AZIN2: variants seen among roughly 807,000 people sequenced by gnomAD.
AZIN2 encodes ODC antizyme inhibitor-2.
In AZIN2, 28 loss-of-function variants were observed where a neutral mutation model predicts 47.8. That is an observed-to-expected ratio of 0.59 (90% CI 0.43 to 0.80). The LOEUF (loss-of-function observed/expected upper bound fraction) is 0.80. AZIN2 is among the 30% of genes least tolerant of loss of function. The probability of loss-of-function intolerance (pLI) is 0.00; values close to 1 mark genes in which losing one functional copy is unlikely to be tolerated. For missense variants in AZIN2, 535 were observed against 582.5 expected (o/e 0.92, Z 0.84); for synonymous variants, 221 against 239.4 (o/e 0.92, Z 0.71).
intron 11 of AZIN2, chr1:33,119,812 T>C (rs1644732466): frequency 1.7e-6 from 1 of 586,610 alleles, no homozygotes; most frequent in African/African-American, 1.9e-5. Context: ...TGGCATGATG[T>C]CTGGCATGTA....
chr1:33,103,689 T>C (rs1020102156), intron 10 of AZIN2, among the ~76,000 whole-genome samples: 3 of 152,178 alleles, frequency 2.0e-5, no homozygotes, highest in Non-Finnish European at 4.4e-5. Flanking sequence ...TAGTTTCCTC[T>C]GAGTTCCCAG....
the AZIN2 span, among the ~76,000 whole-genome samples, chr1:33,136,225 TTCTTTC>T: frequency 1.3e-5 from 2 of 150,176 alleles, no homozygotes; most frequent in Admixed American, 6.6e-5. Flanking sequence ...CTTCCCTCCT[TTCTTTC>T]TCTTTCTTTT....
At chr1:33,132,213 C>T in the AZIN2 span, among the ~76,000 whole-genome samples, 2 of 152,220 alleles carry the variant, frequency 1.3e-5, no homozygotes, top group East Asian at 3.8e-4. Context: ...CCTTACCCTC[C>T]AGCCACTATG....
chr1:33,093,226 G>A, intron 6 of AZIN2, 56 bp from the exon 7 acceptor site: 1 of 1,604,670 alleles, frequency 6.2e-7, no homozygotes, highest in Non-Finnish European at 8.5e-7. Flanking sequence ...TGAGAGATGT[G>A]GCTGGGGTGG....
rs1644633658 is a variant in AZIN2, at chr1:33,117,979, G to A, written c.1107G>A (p.Glu369=). Residue 369 remains glutamate, a synonymous_variant, in exon 11 of 12, where the codon GAG becomes GAA. Transcript: ENST00000294517. ...TTGATGGCTGTGATTGCGTGGCTGA[G>A]GGCCTGTGGCTGCCGCAACTACACG... ...PAVDGCDCVA[E]GLWLPQLHVG... 1 of 1,612,046 alleles carries A rather than the reference G, an allele frequency of 6.2e-7. No individual in the cohort carries two copies. Among genetic ancestry groups the A allele is most frequent in the South Asian group, 1.1e-5 (1 of 90,874 alleles).
intron 10 of AZIN2, among the ~76,000 whole-genome samples, chr1:33,109,729 CT>C (rs898378339): frequency 2.4e-4 from 36 of 148,916 alleles, no homozygotes; most frequent in African/African-American, 8.9e-4. Context: ...GTGTTCTATT[CT>C]TTTTTTTTTC....
chr1:33,130,649 T>C, the AZIN2 span, among the ~76,000 whole-genome samples: 1 of 152,206 alleles, frequency 6.6e-6, no homozygotes, highest in African/African-American at 2.4e-5. Context: ...AGTTAAGCCA[T>C]ACCCAGGTTC....
chr1:33,087,445 A>ATAT (rs1485942541), intron 5 of AZIN2, among the ~76,000 whole-genome samples: 35 of 133,906 alleles, frequency 2.6e-4, no homozygotes, highest in African/African-American at 9.6e-4. Flanking sequence ...ATATATATAT[A>ATAT]TTTTTTTTTG....
intron 6 of AZIN2, among the ~76,000 whole-genome samples, chr1:33,092,446 C>G (rs1642669299): frequency 6.6e-6 from 1 of 152,062 alleles, no homozygotes; most frequent in African/African-American, 2.4e-5. Flanking sequence ...GGACTGAACC[C>G]AGGATGCTAG....
the AZIN2 span, among the ~76,000 whole-genome samples, chr1:33,143,576 C>T: frequency 6.6e-6 from 1 of 152,184 alleles, no homozygotes; most frequent in Non-Finnish European, 1.5e-5. Flanking sequence ...CCTCTCCCAT[C>T]CTCGTTCTCA....
the AZIN2 span, among the ~76,000 whole-genome samples, chr1:33,155,318 T>A: frequency 2.0e-5 from 3 of 151,938 alleles, no homozygotes; most frequent in Non-Finnish European, 2.9e-5. Context: ...GTGATCCGCC[T>A]GCCTTGCCTC....
intron 5 of AZIN2, among the ~76,000 whole-genome samples, chr1:33,089,935 C>G (rs766342886): frequency 1.3e-5 from 2 of 152,128 alleles, no homozygotes; most frequent in Admixed American, 6.5e-5. Flanking sequence ...GACTTGAGTT[C>G]GAAAGTTCGT....
Position 33,092,135 on chromosome 1 carries a change from A to G in AZIN2, c.365A>G (p.Lys122Arg). 6.2e-7 allele frequency: 1 copy of G among 1,614,204 alleles called. No individual in the cohort carries two copies. Among genetic ancestry groups the G allele is most frequent in the Non-Finnish European group, 8.5e-7 (1 of 1,180,038 alleles). Reference protein sequence around the residue: ...ANPCKQIAQIKYAAKHGIQLL... With the variant: ...ANPCKQIAQIRYAAKHGIQLL... ...CCCTGTAAGCAAATTGCACAGATCA[A>G]ATATGCTGCCAAGCATGGGATCCAG... Residue 122 changes from lysine to arginine, a missense_variant, in exon 6 of 12, where the codon AAA becomes AGA. Coordinates refer to ENST00000294517, the MANE Select transcript of AZIN2 (RefSeq NM_052998.4).
chr1:33,084,025 C>T lies in AZIN2; in HGVS notation c.177C>T (p.Cys59=). 1.2e-6 allele frequency: 2 copies of T among 1,614,186 alleles called. No individual in the cohort carries two copies. The highest frequency in any genetic ancestry group is 1.7e-6 in the Non-Finnish European group (2 of 1,180,052). ...IVRKHFCFLK[C]LPRVRPFYAV... is the part of the protein sequence containing the mutation. ...GGAAGCACTTTTGCTTTCTGAAGTG[C>T]CTGCCACGAGTCCGGCCCTTTTATG... Residue 59 remains cysteine, a synonymous_variant, in exon 5 of 12, where the codon TGC becomes TGT. Transcript: ENST00000294517.
At chr1:33,104,556 A>ATG (rs1347951031) in intron 10 of AZIN2, among the ~76,000 whole-genome samples, 3 of 151,884 alleles carry the variant, frequency 2.0e-5, no homozygotes, top group East Asian at 1.9e-4. Flanking sequence ...ATATATATAT[A>ATG]TAGTCTTATA....
At position 33,113,981 on chromosome 1, in the gene AZIN2, T is replaced by C. The variant is rs1644400740; in HGVS notation, c.1030-3921T>C. On this transcript the variant is annotated intron_variant, in intron 10 of 11. Transcript: ENST00000294517. The surrounding 1 kb of genome is among the most constrained non-coding windows in gnomAD (Gnocchi z 4.1). ...TGCACCTTTCATTTTAGAGATAATA[T>C]GACTGTGAATTTGGTTAGCTAAGAT... Among the ~76,000 whole-genome samples the C allele has an allele frequency of 6.6e-6, 1 of 152,246 alleles. No individual in the cohort carries two copies. Among genetic ancestry groups the C allele is most frequent in the Admixed American group, 6.5e-5 (1 of 15,290 alleles).
At chr1:33,136,049 T>G in the AZIN2 span, among the ~76,000 whole-genome samples, 1 of 151,302 alleles carries the variant, frequency 6.6e-6, no homozygotes, top group South Asian at 2.1e-4. Flanking sequence ...AAACATGGCC[T>G]TCTCTTCTTG....
chr1:33,128,090 A>C (rs1404882478), downstream of AZIN2, among the ~76,000 whole-genome samples: 2 of 151,822 alleles, frequency 1.3e-5, no homozygotes, highest in Non-Finnish European at 1.5e-5. Context: ...TAGGTTGGGC[A>C]CGGTAGCTCA....
At chr1:33,100,182 A>G (rs1643561487) in intron 10 of AZIN2, among the ~76,000 whole-genome samples, 1 of 152,100 alleles carries the variant, frequency 6.6e-6, no homozygotes, top group Admixed American at 6.5e-5. Flanking sequence ...TTAGCCGGGC[A>G]TGATGGCACA....
Sources: gnomAD v4.1 joint callset for allele counts (sites outside exome capture counted in the v4.1 genomes callset) on GRCh38, gnomAD v4.1.1 for gene constraint, Gnocchi (gnomAD v3.1) non-coding constraint, MANE v1.5 for transcripts, NCBI Gene and HGNC (gene_info 2026-07-23, HGNC 2026-07-21) for gene names.